Variants in TNC observed in about 807,000 individuals in gnomAD.
TNC encodes tenascin C, also known as tenascin.
A neutral mutation model predicts 202.4 loss-of-function variants in TNC; 109 were observed. The ratio of observed to expected loss-of-function variants is 0.54; its 90% CI spans 0.46 to 0.63. The LOEUF is 0.63. Among genes scored for constraint, TNC ranks in the 30% least tolerant of loss-of-function variants. TNC has a pLI of 0.00. For missense variants in TNC, 2,756 were observed against 2,833.3 expected, an observed-to-expected ratio of 0.97 and a Z score of 0.62; for synonymous variants, 1,007 against 1,089.7, an observed-to-expected ratio of 0.92 and a Z score of 1.50.
chr9:115,087,322 T>G, intron 2 of TNC, 49 bp from the exon 3 acceptor site: 1 of 1,584,644 alleles, frequency 6.3e-7, no homozygotes. Context: ...GCAGCCACAT[T>G]TTTCTGTATC....
Position 115,082,747 on chromosome 9 carries a change from T to G in TNC, c.2192A>C (p.Glu731Ala). 3 of 1,614,158 alleles carry G rather than the reference T, an allele frequency of 1.9e-6. No homozygotes were observed. Among genetic ancestry groups the G allele is most frequent in the Non-Finnish European group, 2.5e-6 (3 of 1,180,014 alleles). ...AAAAGCAATGTCTAGAGGATCCCAC[T>G]CCACTTCCACAGATGTCTCCTTGAT... is the stretch of plus-strand genomic sequence containing the variant. ...KSIKETSVEV[E>A]WDPLDIAFET... is the part of the protein sequence containing the mutation. Residue 731 changes from glutamate to alanine, a missense_variant, in exon 5 of 28, where the codon GAG (glutamate) becomes GCG (alanine). This residue lies in a region of TNC where 2,559 missense variants were observed against 2,546.0 expected (regional missense o/e 1.01). Transcript: ENST00000350763.
chr9:115,056,537 A>T (rs553319888), intron 15 of TNC, among the ~76,000 whole-genome samples: 12 of 152,282 alleles, frequency 7.9e-5, no homozygotes, highest in African/African-American at 2.9e-4. Flanking sequence ...TTTGCCATTT[A>T]TCATTCACTA....
At chr9:115,069,054 C>T (rs544559454) in intron 10 of TNC, among the ~76,000 whole-genome samples, 15 of 152,290 alleles carry the variant, frequency 9.8e-5, no homozygotes, top group South Asian at 4.1e-4. Context: ...ACACCGGCAT[C>T]GCCTGACCCA....
At chr9:115,042,468 G>A in intron 17 of TNC, 127 bp from the exon 18 acceptor site, 1 of 1,283,700 alleles carries the variant, frequency 7.8e-7, no homozygotes, top group Non-Finnish European at 1.1e-6. Context: ...AAGCCTTTAG[G>A]ATGGAGAATG....
In TNC at chr9:115,081,769, C is replaced by A. The variant is rs777507266; in HGVS notation, c.2404+3G>T. ...TTCTATAAGTATTAAAGGTGATACT[C>A]ACGTGTGGTGGTCACCCTCTTCAGG... On this transcript the variant is annotated splice_donor_region_variant and intron_variant, in intron 6 of 27. Coordinates refer to ENST00000350763, the MANE Select transcript of TNC (RefSeq NM_002160.4). The A allele has an allele frequency of 6.2e-7, 1 of 1,613,896 alleles. No homozygotes were observed. Among genetic ancestry groups the A allele is most frequent in the East Asian group, 2.2e-5 (1 of 44,886 alleles).
chr9:115,043,152 G>A (rs976976726), intron 17 of TNC, among the ~76,000 whole-genome samples: 3 of 152,094 alleles, frequency 2.0e-5, no homozygotes, highest in African/African-American at 7.2e-5. Context: ...AGCTAACCAT[G>A]CCTACCCAGA....
intron 18 of TNC, among the ~76,000 whole-genome samples, chr9:115,041,527 A>G (rs1830757343): frequency 6.6e-6 from 1 of 152,242 alleles, no homozygotes; most frequent in South Asian, 2.1e-4. Context: ...AAAGTTGATT[A>G]TAGTCAAGTT....
At chr9:115,056,840 G>T (rs1199515643) in intron 15 of TNC, among the ~76,000 whole-genome samples, 2 of 152,142 alleles carry the variant, frequency 1.3e-5, no homozygotes, top group South Asian at 2.1e-4. Context: ...TCAAGAACAG[G>T]TCTAGTTATA....
chr9:115,064,419 G>A (rs1832782199), intron 11 of TNC, among the ~76,000 whole-genome samples: 1 of 152,156 alleles, frequency 6.6e-6, no homozygotes, highest in Non-Finnish European at 1.5e-5. Flanking sequence ...TGTGTGTTTA[G>A]TCCTGCAGGT....
Position 115,038,246 on chromosome 9 carries a change from T to G in TNC, c.5512+15A>C. ...ACACTCCTTAGAGTGAGGAGAGACT[T>G]GGACAAAACCTTACCTTTCTCGCCT... On this transcript the variant is annotated intron_variant, in intron 20 of 27. Transcript: ENST00000350763. 1.2e-6 allele frequency: 2 copies of G among 1,612,382 alleles called. No individual in the cohort carries two copies. Among genetic ancestry groups the G allele is most frequent in the Non-Finnish European group, 1.7e-6 (2 of 1,178,762 alleles).
intron 6 of TNC, among the ~76,000 whole-genome samples, chr9:115,079,829 C>T (rs1231661757): frequency 6.6e-6 from 1 of 152,150 alleles, no homozygotes. Context: ...ACCTCTCAAA[C>T]ATATTGACCT....
At position 115,073,871 on chromosome 9, in the gene TNC, G is replaced by C. The variant is rs201879571; in HGVS notation, c.2951-5C>G. 106 of 1,606,062 alleles carry C rather than the reference G, an allele frequency of 6.6e-5. No individual in the cohort carries two copies. The South Asian group carries it at 9.5e-4, about 14-fold the overall frequency. ...GGTCCTTGGGCGTGTCCAACTCTGG[G>C]AGGAGAACAGAGAGATGAATGCTCT... is the stretch of plus-strand genomic sequence containing the variant. On this transcript the variant is annotated splice_polypyrimidine_tract_variant and splice_region_variant and intron_variant, in intron 9 of 27. Coordinates refer to ENST00000350763, the MANE Select transcript of TNC (RefSeq NM_002160.4).
chr9:115,028,948 A>T, intron 25 of TNC, among the ~76,000 whole-genome samples: 1 of 102,728 alleles, frequency 9.7e-6, no homozygotes. Flanking sequence ...AAAAAAAAAA[A>T]AAAAAAAAAA....
chr9:115,065,019 T>C (rs1832838617), intron 10 of TNC, 100 bp from the exon 11 acceptor site: 15 of 1,394,104 alleles, frequency 1.1e-5, no homozygotes, highest in South Asian at 9.4e-5. Context: ...CTATAGGCCA[T>C]TGCAGTCCAA....
chr9:115,112,429 T>C (rs1352722602), intron 1 of TNC, among the ~76,000 whole-genome samples: 1 of 152,194 alleles, frequency 6.6e-6, no homozygotes, highest in Non-Finnish European at 1.5e-5. Context: ...GGGGCTTTCA[T>C]TGAAATAAGG....
rs183735667 is a variant in TNC at position 115,056,027 on chromosome 9, C to T, written c.4579+1126G>A. ...CTGCCTTATCCATGGATCACCCTGA[C>T]GACAATTTGTAGCCTCATGTAGAAT... On this transcript the variant is annotated intron_variant, in intron 15 of 27. Coordinates refer to ENST00000350763, the MANE Select transcript of TNC (RefSeq NM_002160.4). Among the ~76,000 whole-genome samples the T allele has an allele frequency of 1.1e-4, 17 of 152,206 alleles. No individual in the cohort carries two copies. In the East Asian group the frequency reaches 1.9e-3, roughly 17 times the overall value.
At position 115,085,879 on chromosome 9, in the gene TNC, C is replaced by T. The variant is rs1009727234; in HGVS notation, c.1852G>A (p.Glu618Lys). The T allele has an allele frequency of 6.2e-7, 1 of 1,609,478 alleles. No individual in the cohort carries two copies. The highest frequency in any genetic ancestry group is 8.5e-7 in the Non-Finnish European group (1 of 1,176,518). ...RCICNEGYSGEDCSEVSPPKD... is the reference protein window; with the variant it reads ...RCICNEGYSGKDCSEVSPPKD... Reference sequence around the variant, plus strand: ...TGGCACTCACCCTCTGAGCAGTCTTCTCCGCTGTAGCCCTCGTTGCAGATG... The same window carrying T: ...TGGCACTCACCCTCTGAGCAGTCTTTTCCGCTGTAGCCCTCGTTGCAGATG... The change falls in exon 3 of 28, where the codon GAA becomes AAA. Residue 618 changes from glutamate (E) to lysine (K), a missense_variant. Physicochemically the swap from Glu to Lys is moderately conservative, Grantham distance 56. This residue lies in a region of TNC where 2,559 missense variants were observed against 2,546.0 expected (regional missense o/e 1.01). Coordinates refer to ENST00000350763, the MANE Select transcript of TNC (RefSeq NM_002160.4).
chr9:115,087,528 GT>G lies in TNC; in HGVS notation c.458-256del, dbSNP rs1564125264. Among the ~76,000 whole-genome samples the G allele has an allele frequency of 4.0e-3, 7 of 1,752 alleles. No individual in the cohort carries two copies. In the Non-Finnish European group the frequency reaches 0.061, roughly 15 times the overall value. 1.1% of individuals were successfully genotyped at this position (1,752 alleles called of 152,430 possible). On this transcript the variant is annotated intron_variant, in intron 2 of 27. Transcript: ENST00000350763. ...AAACAGTGTGTGATTATGCATAGGG[GT>G]GTGTGTGTGTGTGTGTGTGTGTGTG... is the stretch of plus-strand genomic sequence containing the variant.
At chr9:115,070,372 G>A (rs1564468613) in intron 10 of TNC, among the ~76,000 whole-genome samples, 1 of 152,134 alleles carries the variant, frequency 6.6e-6, no homozygotes, top group African/African-American at 2.4e-5. Context: ...CCGAGGGTGG[G>A]AGCAGGCTCA....
Sources: gnomAD v4.1 joint callset for allele counts (sites outside exome capture counted in the v4.1 genomes callset) on GRCh38, gnomAD v4.1.1 for gene constraint, gnomAD v4.1.1 regional missense constraint, MANE v1.5 for transcripts, NCBI Gene and HGNC (gene_info 2026-07-23, HGNC 2026-07-21) for gene names.